Variants in LRMDA observed in about 807,000 individuals in gnomAD.
LRMDA encodes leucine rich melanocyte differentiation associated, also known as leucine-rich melanocyte differentiation-associated protein.
Under a neutral mutation model 29.8 loss-of-function variants are expected in LRMDA, and 18 were observed. The ratio of observed to expected loss-of-function variants is 0.60; its 90% CI spans 0.42 to 0.90. The LOEUF is 0.90. Among genes scored for constraint, LRMDA ranks in the 40% least tolerant of loss-of-function variants. The pLI, the probability that LRMDA is intolerant of heterozygous loss-of-function variation, is 0.00. For missense variants in LRMDA, 273 were observed against 273.9 expected, an observed-to-expected ratio of 1.00 and a Z score of 0.02; for synonymous variants, 125 against 109.4, an observed-to-expected ratio of 1.14 and a Z score of -0.89.
rs151280898 is a variant in LRMDA at position 76,121,501 on chromosome 10, C to T, written c.516+62718C>T. 8.4e-3 allele frequency among the ~76,000 whole-genome samples: 1,282 copies of T among 152,242 alleles called. 5 individuals carry two copies. The highest frequency in any genetic ancestry group is 0.014 in the South Asian group (66 of 4,818). On this transcript the variant is annotated intron_variant, in intron 5 of 6. Coordinates refer to ENST00000611255, the MANE Select transcript of LRMDA (RefSeq NM_001305581.2). ...GATGCAGATCAGATGGGGACATGGCCCTGCCTTGGTTTCTCCATTGGGACT... is the reference window on the plus strand; with the variant it reads ...GATGCAGATCAGATGGGGACATGGCTCTGCCTTGGTTTCTCCATTGGGACT...
intron 2 of LRMDA, among the ~76,000 whole-genome samples, chr10:75,931,384 A>G (rs867539476): frequency 1.4e-4 from 22 of 152,208 alleles, no homozygotes; most frequent in African/African-American, 4.3e-4. Flanking sequence ...TCATTAATTA[A>G]GTAGTGTTTC....
intron 6 of LRMDA, among the ~76,000 whole-genome samples, chr10:76,442,990 A>G (rs943948374): frequency 6.6e-6 from 1 of 152,174 alleles, no homozygotes; most frequent in Non-Finnish European, 1.5e-5. Context: ...GTATACAAAA[A>G]CATAATAGTG....
intron 2 of LRMDA, among the ~76,000 whole-genome samples, chr10:75,579,238 A>T (rs1488227744): frequency 6.6e-6 from 1 of 151,506 alleles, no homozygotes; most frequent in Non-Finnish European, 1.5e-5. Flanking sequence ...GATAAAGGGG[A>T]TATCACCACT....
At chr10:75,547,465 C>T (rs1421576526) in intron 2 of LRMDA, among the ~76,000 whole-genome samples, 1 of 152,242 alleles carries the variant, frequency 6.6e-6, no homozygotes, top group East Asian at 1.9e-4. Context: ...AATCATCTTT[C>T]ACTTCACAGC....
intron 6 of LRMDA, among the ~76,000 whole-genome samples, chr10:76,373,094 A>G (rs527394868): frequency 2.6e-5 from 4 of 152,268 alleles, no homozygotes; most frequent in African/African-American, 9.6e-5. Context: ...AGTGTTTCTC[A>G]AATATATTTA....
At chr10:76,234,751 T>G (rs576547866) in intron 5 of LRMDA, among the ~76,000 whole-genome samples, 1 of 152,340 alleles carries the variant, frequency 6.6e-6, no homozygotes, top group East Asian at 1.9e-4. Flanking sequence ...GCTTCAAACT[T>G]TTCTTCTGTA....
Position 75,431,690 on chromosome 10 carries a change from G to A in LRMDA, c.-35G>A, listed in dbSNP as rs1274112038. The A allele has an allele frequency of 4.7e-6, 6 of 1,284,958 alleles. No individual in the cohort carries two copies. The highest frequency in any genetic ancestry group is 4.0e-5 in the Admixed American group (1 of 25,146). The allele number at this position is 1,284,958 out of a possible 1,614,324, so 79.6% of individuals were successfully genotyped here. A position where few individuals can be genotyped will look rare whatever the true frequency, so the allele number is the denominator to read the frequency against. ...CCCGCTGCTGCCGCCGCGCCCCCGC[G>A]CTCCGTCCCGCGCGCCCGCAGCGTC... On this transcript the variant is annotated 5_prime_UTR_variant, in exon 1 of 7. Transcript: ENST00000611255.
At chr10:76,378,858 C>CTTTTA (rs1841553589) in intron 6 of LRMDA, among the ~76,000 whole-genome samples, 1 of 118,966 alleles carries the variant, frequency 8.4e-6, no homozygotes, top group African/African-American at 3.3e-5. Flanking sequence ...CTTTTTTTTT[C>CTTTTA]TTTTTTTTTT....
intron 6 of LRMDA, among the ~76,000 whole-genome samples, chr10:76,330,987 G>A (rs1044251352): frequency 1.3e-5 from 2 of 152,140 alleles, no homozygotes; most frequent in African/African-American, 4.8e-5. Flanking sequence ...TTATAAACAT[G>A]AGGCCAGGTG....
intron 5 of LRMDA, among the ~76,000 whole-genome samples, chr10:76,068,965 A>G (rs556281326): frequency 5.9e-5 from 9 of 152,320 alleles, no homozygotes; most frequent in African/African-American, 1.7e-4. Flanking sequence ...TCTGCCCTTT[A>G]TCCCAAATGG....
chr10:75,594,923 A>T (rs973531257), intron 2 of LRMDA, among the ~76,000 whole-genome samples: 1 of 152,092 alleles, frequency 6.6e-6, no homozygotes, highest in African/African-American at 2.4e-5. Context: ...ATCTGTTTGC[A>T]TATGTTCACT....
At chr10:75,986,059 G>A (rs1847257573) in intron 2 of LRMDA, among the ~76,000 whole-genome samples, 2 of 152,288 alleles carry the variant, frequency 1.3e-5, no homozygotes, top group South Asian at 4.2e-4. Context: ...GAAGGAATGT[G>A]GTTGTTTGGG....
intron 5 of LRMDA, among the ~76,000 whole-genome samples, chr10:76,262,496 T>C (rs962276402): frequency 3.9e-5 from 6 of 152,338 alleles, no homozygotes; most frequent in Admixed American, 3.9e-4. Context: ...TATGAGTCTT[T>C]TCCCATTTCT....
chr10:76,272,974 G>A (rs1324026444), intron 5 of LRMDA, among the ~76,000 whole-genome samples: 1 of 152,074 alleles, frequency 6.6e-6, no homozygotes. Flanking sequence ...CAACATGTGG[G>A]GATTACAATT....
chr10:75,492,616 A>T (rs562637003), intron 2 of LRMDA, among the ~76,000 whole-genome samples: 1 of 152,330 alleles, frequency 6.6e-6, no homozygotes, highest in African/African-American at 2.4e-5. Flanking sequence ...TTGACTATAA[A>T]TCCACAAGCA....
At chr10:76,107,322 A>C (rs1194150011) in intron 5 of LRMDA, among the ~76,000 whole-genome samples, 4 of 152,186 alleles carry the variant, frequency 2.6e-5, no homozygotes, top group Non-Finnish European at 5.9e-5. Context: ...GAGAATTTGC[A>C]TTTCTCACAA....
At chr10:75,577,106 G>T (rs1350437876) in intron 2 of LRMDA, among the ~76,000 whole-genome samples, 2 of 152,136 alleles carry the variant, frequency 1.3e-5, no homozygotes, top group Admixed American at 1.3e-4. Context: ...AAAGGAGCAT[G>T]TTTTAACCCA....
chr10:76,359,404 C>G (rs1589150220), intron 6 of LRMDA, among the ~76,000 whole-genome samples: 1 of 152,236 alleles, frequency 6.6e-6, no homozygotes, highest in Middle Eastern at 3.4e-3. Context: ...AATGATAAGA[C>G]TGGTTACATT....
intron 2 of LRMDA, among the ~76,000 whole-genome samples, chr10:75,621,249 A>G (rs1222379105): frequency 6.7e-6 from 1 of 149,386 alleles, no homozygotes; most frequent in Non-Finnish European, 1.5e-5. Flanking sequence ...CACACACCAC[A>G]TTTTCTTTAT....
Sources: gnomAD v4.1 joint callset for allele counts (sites outside exome capture counted in the v4.1 genomes callset) on GRCh38, gnomAD v4.1.1 for gene constraint, MANE v1.5 for transcripts, NCBI Gene and HGNC (gene_info 2026-07-23, HGNC 2026-07-21) for gene names.